CACNB2: variants seen among roughly 807,000 people sequenced by gnomAD.
The protein encoded by CACNB2 is voltage-dependent L-type calcium channel subunit beta-2.
A neutral mutation model predicts 73.3 loss-of-function variants in CACNB2; 42 were observed. That is an observed-to-expected ratio of 0.57 (90% CI 0.45 to 0.74). CACNB2 has a LOEUF of 0.74. Ranked by LOEUF, CACNB2 falls within the 30% of genes least tolerant of loss-of-function variation. CACNB2 has a pLI of 0.00. For synonymous variants in CACNB2, 348 were observed against 310.3 expected (o/e 1.12, Z -1.28); for missense variants, 940 against 853.0 (o/e 1.10, Z -1.27).
chr10:18,230,194 C>T (rs769353579), intron 2 of CACNB2, among the ~76,000 whole-genome samples: 3 of 152,168 alleles, frequency 2.0e-5, no homozygotes, highest in Non-Finnish European at 2.9e-5. Context: ...CCCCAACTCC[C>T]TTGTTCTCCA....
intron 2 of CACNB2, among the ~76,000 whole-genome samples, chr10:18,187,829 T>C (rs2034221177): frequency 6.6e-6 from 1 of 152,192 alleles, no homozygotes; most frequent in South Asian, 2.1e-4. Flanking sequence ...ACGATGCTCT[T>C]GTGAAGGATG....
intron 12 of CACNB2, 47 bp downstream of exon 12, chr10:18,536,243 C>CTTTTCTTTCTTTTTTTT: frequency 3.6e-6 from 1 of 280,946 alleles, no homozygotes. Flanking sequence ...GAGATCAGAC[C>CTTTTCTTTCTTTTTTTT]TTTTTTTTTT....
intron 2 of CACNB2, among the ~76,000 whole-genome samples, chr10:18,282,872 G>A (rs1345023572): frequency 1.3e-5 from 2 of 152,168 alleles, no homozygotes; most frequent in East Asian, 3.8e-4. Flanking sequence ...TACCATCAGA[G>A]TGAACAGGCA....
chr10:18,247,216 G>A (rs1180012500), intron 2 of CACNB2, among the ~76,000 whole-genome samples: 1 of 152,174 alleles, frequency 6.6e-6, no homozygotes, highest in African/African-American at 2.4e-5. Context: ...GAATCCTGCT[G>A]TGAGGGGCTT....
At chr10:18,168,658 A>G (rs536065143) in intron 2 of CACNB2, among the ~76,000 whole-genome samples, 2 of 152,176 alleles carry the variant, frequency 1.3e-5, no homozygotes, top group African/African-American at 4.8e-5. Context: ...AATTTTCCAC[A>G]TTTTACTGAA....
intron 2 of CACNB2, among the ~76,000 whole-genome samples, chr10:18,193,532 A>G (rs1283681766): frequency 6.6e-6 from 1 of 152,170 alleles, no homozygotes; most frequent in Non-Finnish European, 1.5e-5. Flanking sequence ...AAGGAGATAG[A>G]TTCCAGAAGG....
rs537786330 is a variant in CACNB2 at position 18,431,275 on chromosome 10, C to G, written c.333+29232C>G. 9.9e-5 allele frequency among the ~76,000 whole-genome samples: 15 copies of G among 152,268 alleles called. No individual in the cohort carries two copies. The South Asian group carries it at 3.1e-3, about 32-fold the overall frequency. On this transcript the variant is annotated intron_variant, in intron 3 of 13. Transcript: ENST00000324631. The stretch of plus-strand genomic sequence containing the variant: ...GGATTTTAGGCGTGAACCACCATTC[C>G]TGGCCTGTCTGAGATTTTATAATAC...
intron 4 of CACNB2, among the ~76,000 whole-genome samples, chr10:18,500,205 G>A (rs1035673726): frequency 3.3e-5 from 5 of 152,256 alleles, no homozygotes; most frequent in African/African-American, 4.8e-5. Context: ...ATTCTTCTTC[G>A]ACGTGTTCAA....
chr10:18,143,004 G>C (rs553021802), intron 1 of CACNB2, among the ~76,000 whole-genome samples: 1 of 152,348 alleles, frequency 6.6e-6, no homozygotes, highest in East Asian at 1.9e-4. Context: ...GAGAGAGTTG[G>C]TAAGCAGTCG....
At chr10:18,300,493 T>C (rs1476733033) in intron 2 of CACNB2, among the ~76,000 whole-genome samples, 1 of 152,246 alleles carries the variant, frequency 6.6e-6, no homozygotes, top group African/African-American at 2.4e-5. Flanking sequence ...TATCACCTTG[T>C]CTAAAATACA....
chr10:18,155,897 TTATATATA>T (rs11467545), intron 2 of CACNB2, among the ~76,000 whole-genome samples: 2,514 of 139,586 alleles, frequency 0.018, 71 homozygotes, highest in African/African-American at 0.061. Context: ...AGAGAACATA[TTATATATA>T]TATATATATA....
intron 2 of CACNB2, among the ~76,000 whole-genome samples, chr10:18,208,487 C>A (rs1272853031): frequency 6.6e-6 from 1 of 151,952 alleles, no homozygotes; most frequent in Non-Finnish European, 1.5e-5. Context: ...TGGTGCACAC[C>A]TGTGGTCCCA....
At chr10:18,326,536 C>T (rs572172534) in intron 2 of CACNB2, among the ~76,000 whole-genome samples, 3 of 152,278 alleles carry the variant, frequency 2.0e-5, no homozygotes, top group Non-Finnish European at 4.4e-5. Context: ...CTGCTATGCC[C>T]TCTGACTGCA....
chr10:18,400,895 G>A (rs2043959861), intron 2 of CACNB2: 1 of 1,541,772 alleles, frequency 6.5e-7, no homozygotes, highest in African/African-American at 1.4e-5. Context: ...GAAAGCCCCG[G>A]AGGCAGAAAG....
At chr10:18,509,586 C>A (rs768514929) in intron 6 of CACNB2, among the ~76,000 whole-genome samples, 1 of 151,990 alleles carries the variant, frequency 6.6e-6, no homozygotes, top group Non-Finnish European at 1.5e-5. Flanking sequence ...ATCACTTGAG[C>A]CCAGGAGTTC....
intron 3 of CACNB2, among the ~76,000 whole-genome samples, chr10:18,447,334 T>G (rs1179503293): frequency 2.6e-5 from 4 of 152,116 alleles, no homozygotes; most frequent in Non-Finnish European, 5.9e-5. Context: ...AGAGCTAAGA[T>G]GAGAGATTTG....
chr10:18,346,750 C>T (rs1589102606), intron 2 of CACNB2, among the ~76,000 whole-genome samples: 1 of 152,074 alleles, frequency 6.6e-6, no homozygotes, highest in Non-Finnish European at 1.5e-5. Flanking sequence ...GCATGTGCCA[C>T]CGCGCCTGGC....
chr10:18,465,332 T>C (rs2132707740), intron 3 of CACNB2, among the ~76,000 whole-genome samples: 1 of 152,020 alleles, frequency 6.6e-6, no homozygotes, highest in East Asian at 1.9e-4. Flanking sequence ...TCTGTCTCAG[T>C]AAAAATAAAT....
intron 2 of CACNB2, among the ~76,000 whole-genome samples, chr10:18,288,601 A>G (rs1056122420): frequency 1.3e-5 from 2 of 152,106 alleles, no homozygotes; most frequent in East Asian, 3.9e-4. Context: ...TTGAACAACC[A>G]TGAGTACTGT....
Sources: gnomAD v4.1 joint callset for allele counts (sites outside exome capture counted in the v4.1 genomes callset) on GRCh38, gnomAD v4.1.1 for gene constraint, MANE v1.5 for transcripts, NCBI Gene and HGNC (gene_info 2026-07-23, HGNC 2026-07-21) for gene names.